The following FOXP4 variants were observed in gnomAD, a reference collection of about 807,000 sequenced individuals.
FOXP4 encodes the protein forkhead box protein P4.
In FOXP4, 25 loss-of-function variants were observed where a neutral mutation model predicts 82.6. The observed-to-expected ratio is 0.30, with a 90% CI of 0.22 to 0.42. The LOEUF is 0.42. Ranked by LOEUF, FOXP4 falls within the 10% of genes least tolerant of loss-of-function variation. FOXP4 has a pLI of 1.00. For synonymous variants in FOXP4, 415 were observed against 388.2 expected, an observed-to-expected ratio of 1.07 and a Z score of -0.81; for missense variants, 785 against 900.9, an observed-to-expected ratio of 0.87 and a Z score of 1.65.
At chr6:41,566,903 G>A (rs1344465312) in intron 2 of FOXP4, among the ~76,000 whole-genome samples, 1 of 152,202 alleles carries the variant, frequency 6.6e-6, no homozygotes, top group Non-Finnish European at 1.5e-5. Context: ...GCACACGTGT[G>A]TGTACCACAG....
chr6:41,586,952 G>T, intron 5 of FOXP4, 57 bp from the exon 6 acceptor site: 1 of 1,521,446 alleles, frequency 6.6e-7, no homozygotes, highest in South Asian at 1.3e-5. Context: ...GGGGCCAGAT[G>T]GCATGCCTGA....
At chr6:41,560,483 A>G (rs970845299) in intron 1 of FOXP4, among the ~76,000 whole-genome samples, 1 of 152,092 alleles carries the variant, frequency 6.6e-6, no homozygotes, top group Admixed American at 6.5e-5. Context: ...GTCGTTCCCC[A>G]CCCGTGTCTC....
At chr6:41,576,816 G>A (rs1392126697) in intron 2 of FOXP4, among the ~76,000 whole-genome samples, 4 of 152,144 alleles carry the variant, frequency 2.6e-5, no homozygotes, top group South Asian at 2.1e-4. Flanking sequence ...CTGGCAGGCC[G>A]CACAGCTGGG....
Position 41,558,503 on chromosome 6 carries a change from C to A in FOXP4, c.-16-7242C>A, listed in dbSNP as rs1461440414. ...CAGTGTGTCTTATTTGATACCACTG[C>A]AACCCTGGAAGGAAGGTGTACTGGC... is the stretch of plus-strand genomic sequence containing the variant. On this transcript the variant is annotated intron_variant, in intron 1 of 16. Transcript: ENST00000307972. This position sits in a 1 kb window ranked among gnomAD's most constrained non-coding sequence, Gnocchi z 4.0. Among the ~76,000 whole-genome samples, 1 of 152,216 alleles carries A rather than the reference C, an allele frequency of 6.6e-6. No individual in the cohort carries two copies. Among genetic ancestry groups the A allele is most frequent in the Non-Finnish European group, 1.5e-5 (1 of 68,046 alleles).
At chr6:41,556,620 G>A (rs1036436936) in intron 1 of FOXP4, among the ~76,000 whole-genome samples, 17 of 152,248 alleles carry the variant, frequency 1.1e-4, no homozygotes, top group East Asian at 1.9e-4. Flanking sequence ...CACCGCGCCC[G>A]GCAAGCGAAT....
rs1409230788 is a variant in FOXP4, at chr6:41,560,343, C to G, written c.-16-5402C>G. ...AGCGCTGGGGCTAGACACCAACTTA[C>G]AGGGTCAGGCTGTCAGCTGGGCCAC... On this transcript the variant is annotated intron_variant, in intron 1 of 16. Transcript: ENST00000307972. 2.0e-5 allele frequency among the ~76,000 whole-genome samples: 3 copies of G among 152,232 alleles called. No homozygotes were observed. In the South Asian group the frequency reaches 6.2e-4, roughly 32 times the overall value.
intron 14 of FOXP4, 24 bp from the exon 15 acceptor site, chr6:41,597,152 A>G (rs1268599551): frequency 6.2e-7 from 1 of 1,613,420 alleles, no homozygotes; most frequent in African/African-American, 1.3e-5. Flanking sequence ...GAGTGAGCCA[A>G]AGATGGCCTT....
chr6:41,572,463 A>C (rs1047563213), intron 2 of FOXP4, among the ~76,000 whole-genome samples: 24 of 152,196 alleles, frequency 1.6e-4, no homozygotes, highest in African/African-American at 5.8e-4. Context: ...TGTGGGGCTT[A>C]ATAACCACTC....
At chr6:41,588,986 A>C (rs1766330306) in intron 9 of FOXP4, among the ~76,000 whole-genome samples, 1 of 152,216 alleles carries the variant, frequency 6.6e-6, no homozygotes, top group Admixed American at 6.5e-5. Flanking sequence ...TAGAAACATC[A>C]AAAATAATTA....
intron 3 of FOXP4, among the ~76,000 whole-genome samples, 179 bp downstream of exon 3, chr6:41,578,260 TC>T (rs1273000914): frequency 7.2e-5 from 11 of 152,218 alleles, no homozygotes; most frequent in African/African-American, 2.7e-4. Flanking sequence ...CCACTTTCTC[TC>T]GTCTCCACCT....
At chr6:41,563,566 A>G (rs1476612237) in intron 1 of FOXP4, among the ~76,000 whole-genome samples, 5 of 152,154 alleles carry the variant, frequency 3.3e-5, no homozygotes, top group Admixed American at 1.3e-4. Context: ...GCCTTGCTAA[A>G]TGCTCATGTG....
In FOXP4 at chr6:41,585,426, C is replaced by T. The variant is rs200488844; in HGVS notation, c.424-5C>T. ...GCCAGTGGTAACCCTCCTCCACCCC[C>T]CCAGCTACAGGAGTACTACAAGAAG... On this transcript the variant is annotated splice_polypyrimidine_tract_variant and splice_region_variant and intron_variant, in intron 4 of 16. Coordinates refer to ENST00000307972, the MANE Select transcript of FOXP4 (RefSeq NM_001012426.2). 2 of 1,613,544 alleles carry T rather than the reference C, an allele frequency of 1.2e-6. No individual in the cohort carries two copies. The highest frequency in any genetic ancestry group is 2.2e-5 in the East Asian group (1 of 44,868).
intron 7 of FOXP4, 45 bp downstream of exon 7, chr6:41,587,557 G>T: frequency 6.8e-7 from 1 of 1,464,306 alleles, no homozygotes. Flanking sequence ...CCTGCCTGGG[G>T]GTAGACCTGG....
chr6:41,574,128 C>T (rs1373980192), intron 2 of FOXP4, among the ~76,000 whole-genome samples: 1 of 152,134 alleles, frequency 6.6e-6, no homozygotes, highest in Non-Finnish European at 1.5e-5. Flanking sequence ...GAAACTGAGC[C>T]CAGTTTTCCC....
Position 41,598,822 on chromosome 6 carries a change from G to A in FOXP4, c.1929G>A (p.Glu643=), listed in dbSNP as rs781532395. 6.4e-6 allele frequency: 10 copies of A among 1,572,880 alleles called. No individual in the cohort carries two copies. In the African/African-American group the frequency reaches 9.4e-5, roughly 15 times the overall value. ...TGCAGGTGAAGGAGGAGCCAGCAGA[G>A]GCAGAGGAAGACAGGCAGCCCGGGC... ...HQVQVKEEPA[E]AEEDRQPGPP... Residue 643 remains glutamate, a synonymous_variant, in exon 17 of 17, where the codon GAG becomes GAA. Transcript: ENST00000307972.
intron 9 of FOXP4, among the ~76,000 whole-genome samples, chr6:41,589,379 A>C (rs745548): frequency 0.42 from 63,570 of 152,222 alleles, 14,383 homozygotes; most frequent in African/African-American, 0.59. Context: ...GCCATTCATC[A>C]GTTCCTGCAT....
chr6:41,564,468 G>C (rs1764763510), intron 1 of FOXP4, among the ~76,000 whole-genome samples: 1 of 152,080 alleles, frequency 6.6e-6, no homozygotes, highest in Non-Finnish European at 1.5e-5. Flanking sequence ...AAAGCTATTG[G>C]AACCTCTATG....
rs996110133 is a variant in FOXP4, at chr6:41,599,778, G to A, written c.*842G>A. On this transcript the variant is annotated 3_prime_UTR_variant, in exon 17 of 17. Transcript: ENST00000307972. Reference sequence around the variant, plus strand: ...GGGCCGGGAGCCCAGGGGAAGGCCAGGCTGGACCCCGGCTCCACACCCACA... The same window carrying A: ...GGGCCGGGAGCCCAGGGGAAGGCCAAGCTGGACCCCGGCTCCACACCCACA... 4 of 152,524 alleles carry A rather than the reference G, an allele frequency of 2.6e-5. No individual in the cohort carries two copies. The highest frequency in any genetic ancestry group is 9.7e-5 in the African/African-American group (4 of 41,382). 9.4% of individuals were successfully genotyped at this position (152,524 alleles called of 1,614,324 possible).
chr6:41,565,659 G>A (rs944272539), intron 1 of FOXP4, 86 bp from the exon 2 acceptor site: 9 of 1,254,294 alleles, frequency 7.2e-6, no homozygotes, highest in East Asian at 4.7e-5. Flanking sequence ...CTCCTGTGGC[G>A]ATGGTTATGT....
Sources: gnomAD v4.1 joint callset for allele counts (sites outside exome capture counted in the v4.1 genomes callset) on GRCh38, gnomAD v4.1.1 for gene constraint, Gnocchi (gnomAD v3.1) non-coding constraint, MANE v1.5 for transcripts, NCBI Gene and HGNC (gene_info 2026-07-23, HGNC 2026-07-21) for gene names.